Variants in CNTNAP2 observed in about 807,000 individuals in gnomAD.
CNTNAP2 encodes contactin associated protein 2, also known as contactin-associated protein-like 2.
CNTNAP2 carries 98 observed loss-of-function variants against 155.2 expected under a neutral mutation model. That is an observed-to-expected ratio of 0.63 (90% confidence interval 0.54 to 0.75). The LOEUF (loss-of-function observed/expected upper bound fraction) is 0.75, where lower values mean the gene tolerates loss of function less well. Ranked by LOEUF, CNTNAP2 falls within the 30% of genes least tolerant of loss-of-function variation. The pLI is 0.00. For synonymous variants in CNTNAP2, 651 were observed against 631.2 expected, an observed-to-expected ratio of 1.03 and a Z score of -0.47; for missense variants, 1,727 against 1,688.1, an observed-to-expected ratio of 1.02 and a Z score of -0.40.
At chr7:146,946,094 C>G (rs1464034857) in intron 3 of CNTNAP2, among the ~76,000 whole-genome samples, 3 of 147,738 alleles carry the variant, frequency 2.0e-5, no homozygotes, top group Non-Finnish European at 4.5e-5. Flanking sequence ...TCCTTCCTTC[C>G]TTTCCTTCTT....
intron 15 of CNTNAP2, among the ~76,000 whole-genome samples, chr7:148,067,223 G>C (rs1041432220): frequency 6.6e-6 from 1 of 152,086 alleles, no homozygotes; most frequent in East Asian, 1.9e-4. Flanking sequence ...TTCTCATTTG[G>C]GTAGACCATT....
chr7:147,700,573 G>A (rs1454475523), intron 13 of CNTNAP2, among the ~76,000 whole-genome samples: 1 of 152,160 alleles, frequency 6.6e-6, no homozygotes, highest in Non-Finnish European at 1.5e-5. Flanking sequence ...ATGAAAGAAT[G>A]GAGTCACAGT....
At chr7:146,638,472 G>GTTTTTTTT (rs1554460106) in intron 1 of CNTNAP2, among the ~76,000 whole-genome samples, 1 of 100,104 alleles carries the variant, frequency 1.0e-5, no homozygotes, top group Admixed American at 1.1e-4. Flanking sequence ...ACAGTCAGGT[G>GTTTTTTTT]TTTCTTTTTT....
intron 21 of CNTNAP2, among the ~76,000 whole-genome samples, chr7:148,382,146 G>T (rs1336094330): frequency 6.6e-6 from 1 of 152,226 alleles, no homozygotes; most frequent in Admixed American, 6.5e-5. Flanking sequence ...CATTTGCCAG[G>T]GCTCATTCCT....
At chr7:148,032,681 A>C (rs1802499681) in intron 15 of CNTNAP2, among the ~76,000 whole-genome samples, 1 of 152,186 alleles carries the variant, frequency 6.6e-6, no homozygotes, top group Non-Finnish European at 1.5e-5. Flanking sequence ...GATCAACAGC[A>C]GCCAACCCAC....
At chr7:148,054,012 G>A (rs899976690) in intron 15 of CNTNAP2, among the ~76,000 whole-genome samples, 5 of 138,614 alleles carry the variant, frequency 3.6e-5, no homozygotes, top group Non-Finnish European at 6.1e-5. Context: ...TAGCTCTGTC[G>A]CCCAGGCTGG....
At chr7:146,449,462 G>T (rs1384787895) in intron 1 of CNTNAP2, among the ~76,000 whole-genome samples, 2 of 152,028 alleles carry the variant, frequency 1.3e-5, no homozygotes, top group Non-Finnish European at 1.5e-5. Context: ...TGTATCCTCA[G>T]GTCCCTATGT....
chr7:146,523,451 A>G (rs2129137774), intron 1 of CNTNAP2, among the ~76,000 whole-genome samples: 1 of 152,242 alleles, frequency 6.6e-6, no homozygotes, highest in Middle Eastern at 3.4e-3. Flanking sequence ...GACAACCTTT[A>G]AAATATTTAA....
At chr7:147,402,302 C>G (rs1376608428) in intron 10 of CNTNAP2, among the ~76,000 whole-genome samples, 1 of 152,196 alleles carries the variant, frequency 6.6e-6, no homozygotes, top group African/African-American at 2.4e-5. Context: ...CCTGCTCCAC[C>G]AAGGTTCCCT....
At chr7:146,265,616 G>T (rs745963638) in intron 1 of CNTNAP2, among the ~76,000 whole-genome samples, 1 of 151,852 alleles carries the variant, frequency 6.6e-6, no homozygotes, top group Non-Finnish European at 1.5e-5. Context: ...GCACCACAGT[G>T]CCCAGCTAAT....
chr7:146,145,998 T>TA (rs1470218397), intron 1 of CNTNAP2, among the ~76,000 whole-genome samples: 1 of 152,146 alleles, frequency 6.6e-6, no homozygotes, highest in African/African-American at 2.4e-5. Context: ...AGAAATACAA[T>TA]AAAAATTTAA....
At chr7:147,986,659 C>T (rs575271439) in intron 15 of CNTNAP2, among the ~76,000 whole-genome samples, 1 of 152,222 alleles carries the variant, frequency 6.6e-6, no homozygotes, top group African/African-American at 2.4e-5. Flanking sequence ...TTCCCCAGGG[C>T]CAAGATGAAT....
At chr7:147,935,468 A>T (rs1328263625) in intron 14 of CNTNAP2, among the ~76,000 whole-genome samples, 1 of 152,202 alleles carries the variant, frequency 6.6e-6, no homozygotes, top group Non-Finnish European at 1.5e-5. Flanking sequence ...AGTTTAATAT[A>T]CTGTATTTAT....
chr7:147,717,103 T>C (rs1796490948), intron 13 of CNTNAP2, among the ~76,000 whole-genome samples: 1 of 152,142 alleles, frequency 6.6e-6, no homozygotes, highest in Non-Finnish European at 1.5e-5. Context: ...AAGTAGGCCT[T>C]TCTATTTCTA....
At chr7:147,867,042 A>G (rs998458356) in intron 13 of CNTNAP2, among the ~76,000 whole-genome samples, 2 of 152,134 alleles carry the variant, frequency 1.3e-5, no homozygotes, top group African/African-American at 4.8e-5. Context: ...TCTTCACAGC[A>G]TCGATGGTCT....
intron 13 of CNTNAP2, among the ~76,000 whole-genome samples, chr7:147,784,492 CTAAT>C (rs1256875671): frequency 3.9e-5 from 2 of 51,706 alleles, no homozygotes; most frequent in African/African-American, 6.8e-5. Context: ...GGGCTCTGGA[CTAAT>C]ATATATATAT....
intron 5 of CNTNAP2, among the ~76,000 whole-genome samples, chr7:147,111,182 A>C (rs1011659578): frequency 6.6e-6 from 1 of 152,102 alleles, no homozygotes; most frequent in Admixed American, 6.5e-5. Context: ...TCTTTTGAGA[A>C]TTGTCTGTTC....
At chr7:146,669,086 T>C (rs1366332631) in intron 1 of CNTNAP2, among the ~76,000 whole-genome samples, 2 of 152,164 alleles carry the variant, frequency 1.3e-5, no homozygotes, top group Non-Finnish European at 2.9e-5. Flanking sequence ...ATATTTTGAA[T>C]GATTCAGGAA....
chr7:147,401,914 G>A (rs906497001), intron 10 of CNTNAP2, among the ~76,000 whole-genome samples: 1 of 151,712 alleles, frequency 6.6e-6, no homozygotes, highest in Non-Finnish European at 1.5e-5. Flanking sequence ...GTCTCAAGCA[G>A]TTCGTTATAG....
Sources: allele counts gnomAD v4.1 joint callset (sites outside exome capture counted in the v4.1 genomes callset), GRCh38; gene constraint gnomAD v4.1.1; transcripts MANE v1.5; gene names NCBI Gene and HGNC (gene_info 2026-07-23, HGNC 2026-07-21).